The following IMMP1L variants were observed in gnomAD, a reference collection of about 807,000 sequenced individuals.
IMMP1L encodes the protein inner mitochondrial membrane peptidase subunit 1, also known as mitochondrial inner membrane protease subunit 1.
IMMP1L carries 24 observed loss-of-function variants against 21.8 expected under a neutral mutation model. The ratio of observed to expected loss-of-function variants is 1.10; its 90% confidence interval spans 0.80 to 1.55. The LOEUF (loss-of-function observed/expected upper bound fraction) is 1.55. Ranked by LOEUF, IMMP1L falls within the 40% of genes most tolerant of loss-of-function variation. The probability of loss-of-function intolerance (pLI) is 0.00; values close to 1 mark genes in which losing one functional copy is unlikely to be tolerated. For synonymous variants in IMMP1L, 46 were observed against 62.8 expected, an observed-to-expected ratio of 0.73 and a Z score of 1.26; for missense variants, 195 against 200.7, an observed-to-expected ratio of 0.97 and a Z score of 0.17.
intron 1 of IMMP1L, among the ~76,000 whole-genome samples, chr11:31,484,867 T>G (rs1565002389): frequency 6.6e-6 from 1 of 151,890 alleles, no homozygotes; most frequent in South Asian, 2.1e-4. Flanking sequence ...TTTTCCCAGA[T>G]GCAAATGTAA....
intron 1 of IMMP1L, among the ~76,000 whole-genome samples, chr11:31,479,232 G>T (rs970604891): frequency 7.2e-5 from 11 of 151,952 alleles, no homozygotes; most frequent in African/African-American, 2.7e-4. Context: ...TTGATTTGCC[G>T]ACAATTTTTG....
intron 3 of IMMP1L, among the ~76,000 whole-genome samples, chr11:31,459,478 G>A (rs1261178984): frequency 2.0e-5 from 3 of 152,074 alleles, no homozygotes; most frequent in Non-Finnish European, 4.4e-5. Context: ...TCAGAGAGGT[G>A]CTCTTTAGAA....
At chr11:31,483,152 G>A (rs961036348) in intron 1 of IMMP1L, among the ~76,000 whole-genome samples, 2 of 151,958 alleles carry the variant, frequency 1.3e-5, no homozygotes, top group Non-Finnish European at 2.9e-5. Flanking sequence ...CCTTGTTGGG[G>A]GAGGGGGCAC....
At chr11:31,504,081 T>C (rs1447105417) in intron 1 of IMMP1L, among the ~76,000 whole-genome samples, 1 of 152,058 alleles carries the variant, frequency 6.6e-6, no homozygotes, top group Non-Finnish European at 1.5e-5. Context: ...AAAAAGTCAA[T>C]TCCAATAAAG....
At chr11:31,437,557 G>A (rs933799617) in intron 4 of IMMP1L, among the ~76,000 whole-genome samples, 1 of 151,946 alleles carries the variant, frequency 6.6e-6, no homozygotes, top group Non-Finnish European at 1.5e-5. Flanking sequence ...TTTTGGTATG[G>A]GGGAAAAGAG....
chr11:31,490,036 C>CA (rs1395261503), intron 1 of IMMP1L, among the ~76,000 whole-genome samples: 1 of 152,042 alleles, frequency 6.6e-6, no homozygotes, highest in Non-Finnish European at 1.5e-5. Flanking sequence ...CTAATCATTC[C>CA]AAAAAACTAG....
chr11:31,473,980 A>G (rs1397225918), intron 1 of IMMP1L, among the ~76,000 whole-genome samples: 2 of 152,218 alleles, frequency 1.3e-5, no homozygotes, highest in African/African-American at 4.8e-5. Flanking sequence ...TTGTTCCGAT[A>G]GAGGAACAGA....
intron 1 of IMMP1L, among the ~76,000 whole-genome samples, chr11:31,470,685 T>G (rs1954518314): frequency 1.3e-5 from 2 of 152,184 alleles, no homozygotes; most frequent in Non-Finnish European, 2.9e-5. Context: ...CTATGTTTAT[T>G]GCAGCACTAT....
At chr11:31,459,869 C>G (rs1954076060) in intron 3 of IMMP1L, among the ~76,000 whole-genome samples, 1 of 152,080 alleles carries the variant, frequency 6.6e-6, no homozygotes, top group South Asian at 2.1e-4. Flanking sequence ...TAAAAATCAT[C>G]AAATGGGCTG....
intron 1 of IMMP1L, among the ~76,000 whole-genome samples, chr11:31,482,999 A>T (rs1954951687): frequency 6.6e-6 from 1 of 152,062 alleles, no homozygotes; most frequent in African/African-American, 2.4e-5. Flanking sequence ...ATAAAAACAA[A>T]CTACAACTAT....
intron 1 of IMMP1L, among the ~76,000 whole-genome samples, chr11:31,502,083 C>T (rs1255151425): frequency 6.6e-6 from 1 of 151,858 alleles, no homozygotes; most frequent in East Asian, 1.9e-4. Flanking sequence ...CCTTCAAAGT[C>T]AGAGAGAAAA....
At chr11:31,451,999 C>G (rs1953773331) in intron 4 of IMMP1L, among the ~76,000 whole-genome samples, 1 of 152,094 alleles carries the variant, frequency 6.6e-6, no homozygotes, top group Non-Finnish European at 1.5e-5. Context: ...AACAATAGGT[C>G]AAGTATGATG....
At chr11:31,446,640 TC>T (rs1953533960) in intron 4 of IMMP1L, among the ~76,000 whole-genome samples, 1 of 152,162 alleles carries the variant, frequency 6.6e-6, no homozygotes, top group South Asian at 2.1e-4. Flanking sequence ...TTTTGGCAGT[TC>T]CCCAAAAGCA....
chr11:31,460,103 G>A (rs1954085157), intron 3 of IMMP1L, among the ~76,000 whole-genome samples: 2 of 152,042 alleles, frequency 1.3e-5, no homozygotes, highest in African/African-American at 4.8e-5. Flanking sequence ...GCTGCAGGGA[G>A]CTGAGATCGT....
At chr11:31,465,222 A>G (rs768845567) in intron 1 of IMMP1L, among the ~76,000 whole-genome samples, 13 of 152,088 alleles carry the variant, frequency 8.5e-5, no homozygotes, top group Non-Finnish European at 1.6e-4. Context: ...TTAAAAATAT[A>G]ACTAGGAATA....
intron 4 of IMMP1L, among the ~76,000 whole-genome samples, chr11:31,434,329 GT>G (rs996649695): frequency 1.3e-5 from 2 of 151,724 alleles, no homozygotes; most frequent in Admixed American, 6.6e-5. Flanking sequence ...AGAATACATT[GT>G]TTTTTTTAAG....
At chr11:31,477,968 C>G (rs565686465) in intron 1 of IMMP1L, among the ~76,000 whole-genome samples, 2 of 152,336 alleles carry the variant, frequency 1.3e-5, no homozygotes, top group South Asian at 4.1e-4. Context: ...GCAGCAGATT[C>G]TGCTGTCTAT....
At chr11:31,502,652 G>A (rs536202686) in intron 1 of IMMP1L, among the ~76,000 whole-genome samples, 52 of 152,268 alleles carry the variant, frequency 3.4e-4, no homozygotes, top group African/African-American at 1.2e-3. Context: ...AAATGTCCAC[G>A]ATAATTAGAA....
intron 4 of IMMP1L, among the ~76,000 whole-genome samples, chr11:31,440,271 T>A (rs1290002089): frequency 8.5e-5 from 13 of 152,220 alleles, no homozygotes; most frequent in Admixed American, 8.5e-4. Context: ...ATGCAATGTA[T>A]TAAAACAGTA....
Sources: gnomAD v4.1 joint callset for allele counts (sites outside exome capture counted in the v4.1 genomes callset) on GRCh38, gnomAD v4.1.1 for gene constraint, MANE v1.5 for transcripts, NCBI Gene and HGNC (gene_info 2026-07-23, HGNC 2026-07-21) for gene names.